TNRC6A: variants seen among roughly 807,000 people sequenced by gnomAD.
TNRC6A encodes the protein trinucleotide repeat containing adaptor 6A.
In TNRC6A, 44 loss-of-function variants were observed where a neutral mutation model predicts 221.2. The ratio of observed to expected loss-of-function variants is 0.20; its 90% CI spans 0.16 to 0.26. The LOEUF (loss-of-function observed/expected upper bound fraction) is 0.26. Among genes scored for constraint, TNRC6A ranks in the 10% least tolerant of loss-of-function variants. The pLI is 1.00. For missense variants in TNRC6A, 2,199 were observed against 2,404.4 expected, an observed-to-expected ratio of 0.91 and a Z score of 1.79; for synonymous variants, 847 against 838.5, an observed-to-expected ratio of 1.01 and a Z score of -0.18.
intron 2 of TNRC6A, among the ~76,000 whole-genome samples, chr16:24,671,215 A>G (rs1486871952): frequency 6.6e-6 from 1 of 152,128 alleles, no homozygotes; most frequent in East Asian, 1.9e-4. Context: ...GTGATTCTAA[A>G]AAAAAGAGAG....
At chr16:24,677,873 C>T (rs548326638) in intron 2 of TNRC6A, among the ~76,000 whole-genome samples, 3 of 150,356 alleles carry the variant, frequency 2.0e-5, no homozygotes, top group South Asian at 4.3e-4. Context: ...ATCCATTGCC[C>T]GCGTGGTTGC....
chr16:24,658,814 CT>C (rs532397304), intron 2 of TNRC6A, among the ~76,000 whole-genome samples: 1 of 150,308 alleles, frequency 6.7e-6, no homozygotes, highest in Admixed American at 6.7e-5. Context: ...TTTTCTTTTT[CT>C]TTTTTTTTGT....
At chr16:24,724,340 C>T (rs2056459010) in intron 2 of TNRC6A, among the ~76,000 whole-genome samples, 1 of 152,176 alleles carries the variant, frequency 6.6e-6, no homozygotes, top group African/African-American at 2.4e-5. Context: ...ATATTTCTAC[C>T]TCACATGGCT....
intron 2 of TNRC6A, among the ~76,000 whole-genome samples, chr16:24,702,773 C>T (rs7184296): frequency 0.093 from 14,111 of 151,978 alleles, 935 homozygotes; most frequent in East Asian, 0.25. Flanking sequence ...CAGTGGCTCA[C>T]GCCTGTAATC....
At chr16:24,626,672 C>T (rs532123910) in intron 1 of TNRC6A, among the ~76,000 whole-genome samples, 45 of 129,396 alleles carry the variant, frequency 3.5e-4, no homozygotes, top group African/African-American at 1.1e-3. Context: ...TTTTTTGAGA[C>T]GGAGTCTCAC....
intron 1 of TNRC6A, among the ~76,000 whole-genome samples, chr16:24,637,152 C>T (rs1268578233): frequency 6.6e-6 from 1 of 152,168 alleles, no homozygotes; most frequent in African/African-American, 2.4e-5. Context: ...CCCGTCTCAG[C>T]CTCCCTAGTA....
At chr16:24,818,414 C>T (rs188154202) in intron 20 of TNRC6A, among the ~76,000 whole-genome samples, 179 bp from the exon 21 acceptor site, 80 of 152,274 alleles carry the variant, frequency 5.3e-4, no homozygotes, top group East Asian at 9.7e-4. Context: ...TTGGCGAGCT[C>T]GCTCAGCATG....
chr16:24,648,530 A>G (rs1271062067), intron 2 of TNRC6A, among the ~76,000 whole-genome samples: 2 of 152,078 alleles, frequency 1.3e-5, no homozygotes, highest in Admixed American at 1.3e-4. Flanking sequence ...TTGGCCTCCC[A>G]AAGTGCTGGG....
At chr16:24,673,328 A>G (rs891015598) in intron 2 of TNRC6A, among the ~76,000 whole-genome samples, 3 of 152,204 alleles carry the variant, frequency 2.0e-5, no homozygotes, top group Non-Finnish European at 2.9e-5. Context: ...ACAGCTATCA[A>G]ATTTCAAAGT....
At chr16:24,819,782 A>T (rs2058731824) in intron 21 of TNRC6A, 3 of 218,610 alleles carry the variant, frequency 1.4e-5, no homozygotes, top group African/African-American at 2.3e-5. Context: ...TCTAAAATTC[A>T]CTTAAATGGC....
chr16:24,718,909 T>C (rs2188717), intron 2 of TNRC6A, among the ~76,000 whole-genome samples: 131,107 of 151,522 alleles, frequency 0.87, 57,080 homozygotes, highest in African/African-American at 0.96. Flanking sequence ...TGGTGGTGGG[T>C]GTCTGTAATC....
chr16:24,687,225 T>A (rs1484104900), intron 2 of TNRC6A, among the ~76,000 whole-genome samples: 1 of 152,122 alleles, frequency 6.6e-6, no homozygotes, highest in Non-Finnish European at 1.5e-5. Flanking sequence ...GCTACTTATA[T>A]AATATCCATT....
At chr16:24,755,712 G>T (rs1295901729) in intron 3 of TNRC6A, among the ~76,000 whole-genome samples, 2 of 152,236 alleles carry the variant, frequency 1.3e-5, no homozygotes, top group Non-Finnish European at 2.9e-5. Flanking sequence ...GGCAAAGCAA[G>T]TGGAGTGCTG....
intron 2 of TNRC6A, among the ~76,000 whole-genome samples, chr16:24,736,842 A>G (rs2056780006): frequency 6.6e-6 from 1 of 152,236 alleles, no homozygotes; most frequent in Non-Finnish European, 1.5e-5. Flanking sequence ...GGTTACAGTA[A>G]TTACAGGTCT....
intron 2 of TNRC6A, among the ~76,000 whole-genome samples, chr16:24,748,104 A>G (rs541462023): frequency 1.2e-4 from 18 of 152,174 alleles, no homozygotes; most frequent in Non-Finnish European, 2.1e-4. Flanking sequence ...TGGCTAGGCA[A>G]TTGAGTGCTT....
Position 24,805,645 on chromosome 16 carries a change from G to T in TNRC6A, c.4163G>T (p.Gly1388Val). 1 of 1,614,190 alleles carries T rather than the reference G, an allele frequency of 6.2e-7. No homozygotes were observed. Among genetic ancestry groups the T allele is most frequent in the Non-Finnish European group, 8.5e-7 (1 of 1,180,032 alleles). The change falls in exon 15 of 25, where the codon GGC becomes GTC. Residue 1388 changes from glycine to valine, a missense_variant. Transcript: ENST00000395799. ...CTGAAGTATGCACCAAACAACGGTG[G>T]CCTGAATCCACTCTTTGGCCCTCAA... Reference protein sequence around the residue: ...SLLKYAPNNGGLNPLFGPQQV... With the variant: ...SLLKYAPNNGVLNPLFGPQQV...
At chr16:24,677,652 A>G (rs917977541) in intron 2 of TNRC6A, among the ~76,000 whole-genome samples, 1 of 152,158 alleles carries the variant, frequency 6.6e-6, no homozygotes, top group African/African-American at 2.4e-5. Flanking sequence ...TCTTATGCTC[A>G]TGATCTCTCT....
chr16:24,780,581 C>T (rs2057819779), intron 5 of TNRC6A, among the ~76,000 whole-genome samples: 2 of 151,954 alleles, frequency 1.3e-5, no homozygotes, highest in African/African-American at 4.8e-5. Flanking sequence ...GGGATGAATT[C>T]AAATGTAGTG....
intron 2 of TNRC6A, among the ~76,000 whole-genome samples, chr16:24,705,209 G>A (rs1460810534): frequency 6.6e-6 from 1 of 152,070 alleles, no homozygotes; most frequent in Non-Finnish European, 1.5e-5. Flanking sequence ...GCACAGAGAG[G>A]CTAAGAAACT....
Sources: gnomAD v4.1 joint callset for allele counts (sites outside exome capture counted in the v4.1 genomes callset) on GRCh38, gnomAD v4.1.1 for gene constraint, MANE v1.5 for transcripts, NCBI Gene and HGNC (gene_info 2026-07-23, HGNC 2026-07-21) for gene names.